HDAC9: variants seen among roughly 807,000 people sequenced by gnomAD.
The protein encoded by HDAC9 is histone deacetylase 9.
HDAC9 carries 41 observed loss-of-function variants against 139.4 expected under a neutral mutation model. The observed-to-expected ratio is 0.29, with a 90% CI of 0.23 to 0.38. The LOEUF is 0.38. HDAC9 is among the 10% of genes least tolerant of loss of function. HDAC9 has a pLI of 1.00. For missense variants in HDAC9, 1,147 were observed against 1,297.0 expected (o/e 0.88, Z 1.78); for synonymous variants, 517 against 476.2 (o/e 1.09, Z -1.12).
chr7:18,367,653 G>A (rs1486568543), intron 1 of HDAC9, among the ~76,000 whole-genome samples: 1 of 152,038 alleles, frequency 6.6e-6, no homozygotes, highest in Admixed American at 6.6e-5. Flanking sequence ...GAACATGCTT[G>A]TGCATGTTTT....
chr7:18,491,439 G>A (rs186233972), upstream of HDAC9, among the ~76,000 whole-genome samples: 1 of 152,002 alleles, frequency 6.6e-6, no homozygotes, highest in African/African-American at 2.4e-5. Flanking sequence ...TATCACTGTG[G>A]TTGATAATTG....
At chr7:18,873,994 T>A (rs956556524) in intron 21 of HDAC9, among the ~76,000 whole-genome samples, 11 of 119,196 alleles carry the variant, frequency 9.2e-5, no homozygotes, top group South Asian at 6.0e-4. Flanking sequence ...GATAAATATT[T>A]AAAAATGTTT....
chr7:18,640,959 G>A (rs1785414438), intron 8 of HDAC9, among the ~76,000 whole-genome samples: 1 of 152,066 alleles, frequency 6.6e-6, no homozygotes, highest in African/African-American at 2.4e-5. Flanking sequence ...ATGGTATACA[G>A]AATAATTATT....
chr7:18,230,307 T>C (rs902489738), intron 2 of HDAC9, among the ~76,000 whole-genome samples: 2 of 152,176 alleles, frequency 1.3e-5, no homozygotes, highest in African/African-American at 4.8e-5. Flanking sequence ...TGTTAATAGT[T>C]TCAAGTCAGC....
At chr7:18,223,619 ATTG>A (rs1172744450) in intron 2 of HDAC9, among the ~76,000 whole-genome samples, 5 of 152,098 alleles carry the variant, frequency 3.3e-5, no homozygotes, top group Non-Finnish European at 7.4e-5. Flanking sequence ...AATCTCCTGT[ATTG>A]TAGCCACTGT....
intron 16 of HDAC9, among the ~76,000 whole-genome samples, chr7:18,773,568 G>A (rs1020260358): frequency 3.3e-5 from 5 of 151,966 alleles, no homozygotes; most frequent in Non-Finnish European, 7.4e-5. Context: ...GAAGATCTGT[G>A]GCTCGATTAA....
chr7:18,505,265 A>G (rs1323303887), intron 2 of HDAC9, among the ~76,000 whole-genome samples: 1 of 152,200 alleles, frequency 6.6e-6, no homozygotes, highest in Non-Finnish European at 1.5e-5. Context: ...GCAAATTATT[A>G]TTAATGTATT....
Position 18,880,927 on chromosome 7 carries a change from A to G in HDAC9, c.2803+6331A>G, listed in dbSNP as rs562405099. Among the ~76,000 whole-genome samples, 3 of 151,910 alleles carry G rather than the reference A, an allele frequency of 2.0e-5. No individual in the cohort carries two copies. The South Asian group carries it at 6.3e-4, about 32-fold the overall frequency. Reference sequence around the variant, plus strand: ...ACAGAAAATTGTATTTCTTTTCAGTATCTTCTGATTCTCTTTCCCCCACCG... The same window carrying G: ...ACAGAAAATTGTATTTCTTTTCAGTGTCTTCTGATTCTCTTTCCCCCACCG... On this transcript the variant is annotated intron_variant, in intron 22 of 25. Transcript: ENST00000686413.
intron 2 of HDAC9, among the ~76,000 whole-genome samples, chr7:18,184,204 G>A (rs1035675939): frequency 3.9e-5 from 6 of 152,036 alleles, no homozygotes; most frequent in South Asian, 2.1e-4. Context: ...TTCGAGACCC[G>A]CCTGACCAAC....
At chr7:18,491,634 G>A (rs1796375931), upstream of HDAC9, among the ~76,000 whole-genome samples, 1 of 151,866 alleles carries the variant, frequency 6.6e-6, no homozygotes, top group Admixed American at 6.6e-5. Flanking sequence ...TTCATTTATT[G>A]AAGAAATTTC....
At chr7:18,527,721 A>G (rs1007819617) in intron 2 of HDAC9, among the ~76,000 whole-genome samples, 16 of 152,312 alleles carry the variant, frequency 1.1e-4, no homozygotes, top group Middle Eastern at 3.4e-3. Flanking sequence ...TTGTATTAAT[A>G]TATTCACGTG....
At chr7:18,984,755 G>A (rs1401427746) in intron 25 of HDAC9, among the ~76,000 whole-genome samples, 1 of 152,180 alleles carries the variant, frequency 6.6e-6, no homozygotes, top group Non-Finnish European at 1.5e-5. Context: ...TTGGTTGAAG[G>A]TGACTATGTA....
At chr7:18,862,935 T>C (rs1798223720) in intron 21 of HDAC9, among the ~76,000 whole-genome samples, 2 of 152,186 alleles carry the variant, frequency 1.3e-5, no homozygotes, top group Admixed American at 1.3e-4. Context: ...TTGAGCCCAA[T>C]TTTTTCCTTT....
At chr7:18,361,111 C>T (rs1485945143) in intron 1 of HDAC9, among the ~76,000 whole-genome samples, 1 of 151,816 alleles carries the variant, frequency 6.6e-6, no homozygotes, top group East Asian at 1.9e-4. Flanking sequence ...TTTTTCCTCC[C>T]AGGTGGTTCT....
chr7:18,179,664 TTAATG>T (rs1789232103), intron 2 of HDAC9, among the ~76,000 whole-genome samples: 1 of 152,220 alleles, frequency 6.6e-6, no homozygotes, highest in Non-Finnish European at 1.5e-5. Context: ...TGTTTATCTA[TTAATG>T]AGAAATTATA....
At chr7:18,206,685 G>C (rs903050591) in intron 2 of HDAC9, among the ~76,000 whole-genome samples, 4 of 152,002 alleles carry the variant, frequency 2.6e-5, no homozygotes, top group African/African-American at 9.7e-5. Flanking sequence ...AAAATAATAA[G>C]GGTACACACA....
chr7:18,414,457 C>T (rs951990489), intron 1 of HDAC9, among the ~76,000 whole-genome samples: 11 of 150,934 alleles, frequency 7.3e-5, no homozygotes, highest in Admixed American at 7.3e-4. Context: ...AATAACTTAT[C>T]TCAGCCTAAC....
intron 1 of HDAC9, among the ~76,000 whole-genome samples, chr7:18,393,403 A>C (rs1380768836): frequency 6.6e-6 from 1 of 152,176 alleles, no homozygotes; most frequent in Non-Finnish European, 1.5e-5. Flanking sequence ...GAGGGAACAG[A>C]GGAGATTTGC....
At chr7:18,565,327 G>T (rs547093768) in intron 2 of HDAC9, among the ~76,000 whole-genome samples, 1 of 152,240 alleles carries the variant, frequency 6.6e-6, no homozygotes, top group East Asian at 1.9e-4. Context: ...AATATCCCAT[G>T]GTTTGTTTAT....
Sources: gnomAD v4.1 joint callset for allele counts (sites outside exome capture counted in the v4.1 genomes callset) on GRCh38, gnomAD v4.1.1 for gene constraint, MANE v1.5 for transcripts, NCBI Gene and HGNC (gene_info 2026-07-23, HGNC 2026-07-21) for gene names.